Variants in HEPH observed in about 807,000 individuals in gnomAD.
The protein encoded by HEPH is hephaestin.
Under a neutral mutation model 80.8 loss-of-function variants are expected in HEPH, and 69 were observed. The ratio of observed to expected loss-of-function variants is 0.85; its 90% CI spans 0.70 to 1.04. The LOEUF (loss-of-function observed/expected upper bound fraction) is 1.04, where lower values mean the gene tolerates loss of function less well. Among genes scored for constraint, HEPH ranks in the 50% least tolerant of loss-of-function variants. The probability of loss-of-function intolerance (pLI) is 0.00; values close to 1 mark genes in which losing one functional copy is unlikely to be tolerated. For missense variants in HEPH, 1,115 were observed against 891.3 expected, an observed-to-expected ratio of 1.25 and a Z score of -3.20; for synonymous variants, 431 against 322.8, an observed-to-expected ratio of 1.34 and a Z score of -3.60.
intron 15 of HEPH, among the ~76,000 whole-genome samples, chrX:66,240,759 C>T (rs1301687536): frequency 4.5e-5 from 5 of 111,992 alleles, no homozygotes; most frequent in Non-Finnish European, 9.4e-5. Context: ...AAAGAAAACA[C>T]AAACAACATT....
chrX:66,166,757 C>T (rs1023647027), intron 1 of HEPH, among the ~76,000 whole-genome samples: 1 of 112,025 alleles, frequency 8.9e-6, no homozygotes, highest in Non-Finnish European at 1.9e-5. Flanking sequence ...AGTTCTAGTT[C>T]TTTACATTAT....
intron 15 of HEPH, among the ~76,000 whole-genome samples, chrX:66,218,068 G>A (rs931833570): frequency 1.8e-5 from 2 of 111,438 alleles, no homozygotes; most frequent in African/African-American, 6.5e-5. Flanking sequence ...GAGGCAGACA[G>A]CAACAGAATA....
At chrX:66,180,734 A>C (rs2087089130) in intron 4 of HEPH, among the ~76,000 whole-genome samples, 1 of 81,723 alleles carries the variant, frequency 1.2e-5, no homozygotes, top group Non-Finnish European at 2.2e-5. Flanking sequence ...TTTAGGGTAC[A>C]TGTGCACATT....
At chrX:66,261,647 G>A (rs1398335132) in intron 19 of HEPH, among the ~76,000 whole-genome samples, 1 of 110,542 alleles carries the variant, frequency 9.0e-6, no homozygotes, top group East Asian at 2.8e-4. Flanking sequence ...GAATAGTGAA[G>A]GGGAAAATGT....
intron 12 of HEPH, among the ~76,000 whole-genome samples, chrX:66,202,869 A>G (rs1430267224): frequency 1.9e-5 from 2 of 105,496 alleles, no homozygotes; most frequent in Non-Finnish European, 3.9e-5. Flanking sequence ...GAGGGAACTG[A>G]AAAACACAGA....
chrX:66,225,742 C>G (rs182893985), intron 15 of HEPH, among the ~76,000 whole-genome samples: 1 of 112,781 alleles, frequency 8.9e-6, no homozygotes, highest in African/African-American at 3.2e-5. Context: ...TGGCCAGAGT[C>G]CCCCGCAGGG....
intron 15 of HEPH, among the ~76,000 whole-genome samples, chrX:66,245,566 A>G (rs1162380510): frequency 9.0e-6 from 1 of 111,377 alleles, no homozygotes; most frequent in Non-Finnish European, 1.9e-5. Context: ...CATTAGACAG[A>G]TCAACGAGAC....
intron 15 of HEPH, among the ~76,000 whole-genome samples, chrX:66,232,113 T>A (rs1196256800): frequency 6.4e-5 from 7 of 110,154 alleles, no homozygotes; most frequent in Non-Finnish European, 1.3e-4. Context: ...CAGCCTTGCA[T>A]CCCAGGGATG....
chrX:66,263,784 G>A, intron 20 of HEPH, 96 bp downstream of exon 20: 3 of 842,471 alleles, frequency 3.6e-6, no homozygotes, highest in Non-Finnish European at 5.2e-6. Context: ...TTATGTGACT[G>A]AGAGTTAGAA....
intron 15 of HEPH, among the ~76,000 whole-genome samples, chrX:66,239,914 C>T (rs763181646): frequency 8.9e-6 from 1 of 111,736 alleles, no homozygotes; most frequent in South Asian, 3.8e-4. Context: ...CCTTGGTAAA[C>T]ACTGCCACTA....
At chrX:66,183,929 A>T (rs1229335329) in intron 4 of HEPH, among the ~76,000 whole-genome samples, 1 of 13,424 alleles carries the variant, frequency 7.4e-5, no homozygotes, top group Non-Finnish European at 1.1e-4. Flanking sequence ...TTCAAAGAAC[A>T]TCTTTATTTC....
Position 66,266,535 on chromosome X carries a change from G to C in HEPH, c.3340G>C (p.Ala1114Pro). The change falls in exon 21 of 21, where the codon GCC becomes CCC. Residue 1114 changes from alanine to proline, a missense_variant. Around this residue, in one of 3 missense-constraint regions of HEPH, gnomAD observed 716 missense variants for 523.5 expected, o/e 1.37. Coordinates refer to ENST00000343002, the MANE Select transcript of HEPH (RefSeq NM_001367233.3). Reference protein sequence around the residue: ...NVEMLASVLVAISVTLLLVVL... With the variant: ...NVEMLASVLVPISVTLLLVVL... ...TGAGATGCTGGCCTCTGTTTTGGTT[G>C]CCATTAGTGTCACCCTTCTGCTCGT... is the stretch of plus-strand genomic sequence containing the variant. 8.3e-7 allele frequency: 1 copy of C among 1,209,283 alleles called. No homozygotes were observed. The highest frequency in any genetic ancestry group is 1.7e-5 in the African/African-American group (1 of 57,445).
Position 66,173,614 on chromosome X carries a change from T to G in HEPH, c.438T>G (p.Ser146=), listed in dbSNP as rs2086681061. Residue 146 remains serine, a synonymous_variant, in exon 4 of 21, where the codon TCT becomes TCG. Transcript: ENST00000343002. ...GTTCCCTATACCCAGATGGCTCCTC[T>G]GGGCCACTGAAAGCTGATGACTCTG... ...SEGSLYPDGS[S]GPLKADDSVP... is the part of the protein sequence containing the mutation. 8.3e-7 allele frequency: 1 copy of G among 1,208,661 alleles called. No individual in the cohort carries two copies. Among genetic ancestry groups the G allele is most frequent in the Non-Finnish European group, 1.1e-6 (1 of 894,333 alleles).
chrX:66,245,260 G>T (rs1239983065), intron 15 of HEPH, among the ~76,000 whole-genome samples: 1 of 110,966 alleles, frequency 9.0e-6, no homozygotes, highest in Non-Finnish European at 1.9e-5. Flanking sequence ...ACACACATAG[G>T]CTCAAAATAA....
At chrX:66,222,567 T>C (rs1489544580) in intron 15 of HEPH, among the ~76,000 whole-genome samples, 4 of 112,035 alleles carry the variant, frequency 3.6e-5, no homozygotes, top group Middle Eastern at 4.7e-3. Context: ...TTTTGGGAAA[T>C]TAAAAAAACT....
intron 17 of HEPH, 25 bp downstream of exon 17, chrX:66,256,355 GT>G (rs1569412195): frequency 9.2e-7 from 1 of 1,084,384 alleles, no homozygotes. Flanking sequence ...ACCTACTCTT[GT>G]TCCAAAGCAG....
intron 1 of HEPH, among the ~76,000 whole-genome samples, chrX:66,169,000 A>G (rs1475463285): frequency 9.0e-6 from 1 of 111,619 alleles, no homozygotes; most frequent in African/African-American, 3.3e-5. Flanking sequence ...CTCTGTGTAT[A>G]TACATGTGAG....
intron 15 of HEPH, among the ~76,000 whole-genome samples, chrX:66,212,830 A>G (rs889579532): frequency 9.1e-6 from 1 of 110,490 alleles, no homozygotes; most frequent in African/African-American, 3.3e-5. Context: ...TTGGTGTCAT[A>G]TAAATTTTCA....
intron 1 of HEPH, among the ~76,000 whole-genome samples, chrX:66,168,211 G>A (rs977070298): frequency 1.8e-5 from 2 of 111,938 alleles, no homozygotes; most frequent in African/African-American, 6.5e-5. Context: ...TTCTGGAGCA[G>A]TTAGTATTCA....
Sources: allele counts gnomAD v4.1 joint callset (sites outside exome capture counted in the v4.1 genomes callset), GRCh38; gene constraint gnomAD v4.1.1; regional missense constraint gnomAD v4.1.1; transcripts MANE v1.5; gene names NCBI Gene and HGNC (gene_info 2026-07-23, HGNC 2026-07-21).